Variants in HACD2 observed in about 807,000 individuals in gnomAD.
The protein encoded by HACD2 is 3-hydroxyacyl-CoA dehydratase 2.
In HACD2, 15 loss-of-function variants were observed where a neutral mutation model predicts 31.0. That is an observed-to-expected ratio of 0.48 (90% CI 0.32 to 0.75). HACD2 has a LOEUF of 0.75. HACD2 is among the 30% of genes least tolerant of loss of function. HACD2 has a pLI of 0.03. For missense variants in HACD2, 283 were observed against 313.0 expected, an observed-to-expected ratio of 0.90 and a Z score of 0.72; for synonymous variants, 115 against 122.2, an observed-to-expected ratio of 0.94 and a Z score of 0.39.
chr3:123,548,476 C>T (rs938996206), intron 3 of HACD2, among the ~76,000 whole-genome samples: 5 of 152,058 alleles, frequency 3.3e-5, no homozygotes, highest in African/African-American at 9.7e-5. Flanking sequence ...AAAGCGCTCC[C>T]GAATTCCTGA....
chr3:123,507,237 G>A (rs900960776), intron 4 of HACD2, among the ~76,000 whole-genome samples: 3 of 152,106 alleles, frequency 2.0e-5, no homozygotes, highest in Non-Finnish European at 2.9e-5. Flanking sequence ...CCTGGGTGAC[G>A]AGCAAGACCC....
chr3:123,564,473 G>A (rs1321443072), intron 3 of HACD2, among the ~76,000 whole-genome samples: 1 of 152,212 alleles, frequency 6.6e-6, no homozygotes, highest in Non-Finnish European at 1.5e-5. Flanking sequence ...AAGGCTGAAG[G>A]AGCAGGATCT....
At chr3:123,527,583 T>C (rs2056299684) in intron 4 of HACD2, among the ~76,000 whole-genome samples, 2 of 152,194 alleles carry the variant, frequency 1.3e-5, no homozygotes, top group Admixed American at 6.5e-5. Flanking sequence ...GCAATTCAGA[T>C]ATGCCAAAGA....
chr3:123,571,106 T>C (rs1282174392), intron 2 of HACD2, among the ~76,000 whole-genome samples: 1 of 152,214 alleles, frequency 6.6e-6, no homozygotes, highest in East Asian at 1.9e-4. Context: ...GAAATCCTTT[T>C]CAACTAAATA....
chr3:123,503,999 C>A (rs1266227936), intron 4 of HACD2, among the ~76,000 whole-genome samples: 43 of 152,200 alleles, frequency 2.8e-4, no homozygotes, highest in Admixed American at 2.7e-3. Flanking sequence ...CAAAGAATTT[C>A]ATAAATGCAG....
chr3:123,582,962 G>T (rs1239832203), intron 1 of HACD2, among the ~76,000 whole-genome samples: 1 of 152,028 alleles, frequency 6.6e-6, no homozygotes, highest in Non-Finnish European at 1.5e-5. Context: ...TTATATTTTT[G>T]TTCCACTGTC....
chr3:123,507,548 ATCCAGAAAAGACAAATCTAGAGACAG>A (rs1161483753), intron 4 of HACD2, among the ~76,000 whole-genome samples: 2 of 152,206 alleles, frequency 1.3e-5, no homozygotes, highest in Non-Finnish European at 2.9e-5. Context: ...TATATGAAAT[ATCCAGAAAAGACAAATCTAGAGACAG>A]AAAGTAGAAT....
At chr3:123,495,855 C>T (rs1315106151) in intron 6 of HACD2, among the ~76,000 whole-genome samples, 1 of 152,144 alleles carries the variant, frequency 6.6e-6, no homozygotes, top group Non-Finnish European at 1.5e-5. Context: ...TGACAGTACC[C>T]ACTACTAAGA....
intron 6 of HACD2, chr3:123,499,451 A>G (rs775113594): frequency 9.0e-6 from 3 of 332,976 alleles, no homozygotes; most frequent in Non-Finnish European, 1.8e-5. Context: ...TGGAAAATGA[A>G]TCATGAAGCA....
At position 123,502,631 on chromosome 3, in the gene HACD2, C is replaced by T. The variant is rs1032988898; in HGVS notation, c.432G>A (p.Thr144=). ...TATAAAAGGAGTAACGGATGATTTC[C>T]GTGATCGTCCATGCAATAACAAACA... is the stretch of plus-strand genomic sequence containing the variant. ...VLLFVIAWTI[T]EIIRYSFYTF... Residue 144 remains threonine (T), a synonymous_variant, in exon 5 of 7, where the codon ACG becomes ACA. Coordinates refer to ENST00000383657, the MANE Select transcript of HACD2 (RefSeq NM_198402.5). 1.7e-5 allele frequency: 28 copies of T among 1,607,264 alleles called. No individual in the cohort carries two copies. The highest frequency in any genetic ancestry group is 9.4e-5 in the African/African-American group (7 of 74,814).
At chr3:123,503,435 C>A (rs1239928507) in intron 4 of HACD2, among the ~76,000 whole-genome samples, 1 of 152,046 alleles carries the variant, frequency 6.6e-6, no homozygotes, top group Non-Finnish European at 1.5e-5. Flanking sequence ...AGGGAAGCTT[C>A]CATGCTGTTC....
chr3:123,562,341 T>C (rs2056741659), intron 3 of HACD2, among the ~76,000 whole-genome samples: 1 of 152,164 alleles, frequency 6.6e-6, no homozygotes, highest in South Asian at 2.1e-4. Flanking sequence ...GAGGCCGTAT[T>C]TGCCAAGTTG....
At chr3:123,501,395 G>C (rs894265706) in intron 5 of HACD2, among the ~76,000 whole-genome samples, 1 of 152,112 alleles carries the variant, frequency 6.6e-6, no homozygotes, top group Non-Finnish European at 1.5e-5. Context: ...CTGTCCCATG[G>C]AACTGTAAGC....
chr3:123,582,418 T>C (rs1016623812), intron 1 of HACD2, 89 bp from the exon 2 acceptor site: 2 of 805,766 alleles, frequency 2.5e-6, no homozygotes, highest in East Asian at 3.0e-5. Context: ...ATAAAAGATA[T>C]TGCTAAAGGT....
chr3:123,527,227 G>C (rs1166858457), intron 4 of HACD2, among the ~76,000 whole-genome samples: 1 of 152,198 alleles, frequency 6.6e-6, no homozygotes, highest in Non-Finnish European at 1.5e-5. Flanking sequence ...CTACACAAAA[G>C]TATGAGAGGA....
In HACD2 at chr3:123,561,821, T is replaced by C. The variant is rs145769049; in HGVS notation, c.292+5941A>G. Reference sequence around the variant, plus strand: ...TCTCAGGGTGGGTTTTGGTGTCTGTTTATTTTTTGAGACGGGGTCTCACTC... The same window carrying C: ...TCTCAGGGTGGGTTTTGGTGTCTGTCTATTTTTTGAGACGGGGTCTCACTC... On this transcript the variant is annotated intron_variant, in intron 3 of 6. Coordinates refer to ENST00000383657, the MANE Select transcript of HACD2 (RefSeq NM_198402.5). Among the ~76,000 whole-genome samples the C allele has an allele frequency of 1.1e-4, 17 of 152,256 alleles. No individual in the cohort carries two copies. In the East Asian group the frequency reaches 3.1e-3, roughly 28 times the overall value.
chr3:123,517,752 T>C (rs903474921), intron 4 of HACD2, among the ~76,000 whole-genome samples: 15 of 152,338 alleles, frequency 9.8e-5, no homozygotes, highest in Non-Finnish European at 2.9e-5. Flanking sequence ...GTCATGGTTC[T>C]TTCTGTTCTA....
chr3:123,499,742 T>G (rs1378154808), intron 6 of HACD2: 1 of 421,764 alleles, frequency 2.4e-6, no homozygotes, highest in Non-Finnish European at 4.8e-6. Context: ...ACTAACACTG[T>G]ATGTCGTTGG....
intron 4 of HACD2, among the ~76,000 whole-genome samples, chr3:123,504,847 G>A (rs1429855656): frequency 6.6e-6 from 1 of 151,568 alleles, no homozygotes; most frequent in Admixed American, 6.6e-5. Context: ...GACCTTATGT[G>A]ATTTATAGAT....
Sources: gnomAD v4.1 joint callset for allele counts (sites outside exome capture counted in the v4.1 genomes callset) on GRCh38, gnomAD v4.1.1 for gene constraint, MANE v1.5 for transcripts, NCBI Gene and HGNC (gene_info 2026-07-23, HGNC 2026-07-21) for gene names.